Variants in DPYSL3 observed in about 807,000 individuals in gnomAD.
DPYSL3 encodes dihydropyrimidinase like 3.
DPYSL3 carries 16 observed loss-of-function variants against 66.1 expected under a neutral mutation model. The observed-to-expected ratio is 0.24, with a 90% CI of 0.16 to 0.37. DPYSL3 has a LOEUF of 0.37. Among genes scored for constraint, DPYSL3 ranks in the 10% least tolerant of loss-of-function variants. DPYSL3 has a pLI of 1.00. For missense variants in DPYSL3, 738 were observed against 916.2 expected, an observed-to-expected ratio of 0.81 and a Z score of 2.51; for synonymous variants, 338 against 345.1, an observed-to-expected ratio of 0.98 and a Z score of 0.23.
At chr5:147,489,476 C>A (rs918677194) in intron 1 of DPYSL3, among the ~76,000 whole-genome samples, 2 of 152,142 alleles carry the variant, frequency 1.3e-5, no homozygotes, top group Non-Finnish European at 2.9e-5. Context: ...GACTCGGTTT[C>A]TTTTCTGGAT....
At position 147,479,075 on chromosome 5, in the gene DPYSL3, GA is replaced by G. The variant is rs558216235; in HGVS notation, c.381+30402del. 3.9e-3 allele frequency among the ~76,000 whole-genome samples: 593 copies of G among 150,586 alleles called. 7 individuals are homozygous for G. The highest frequency in any genetic ancestry group is 0.014 in the African/African-American group (557 of 41,042). On this transcript the variant is annotated intron_variant, in intron 1 of 13. Transcript: ENST00000343218. ...TGAGTACATCATGAGTTAATTAAAG[GA>G]AAAAAAAAGTGTAGACAGGCAGTAA...
chr5:147,453,987 T>C (rs1385194984), intron 1 of DPYSL3: 3 of 192,082 alleles, frequency 1.6e-5, no homozygotes, highest in East Asian at 1.2e-4. Context: ...TTCTTTCTTT[T>C]TTTTTTTTTT....
intron 1 of DPYSL3, among the ~76,000 whole-genome samples, chr5:147,499,606 A>T (rs1294090272): frequency 1.3e-5 from 2 of 152,216 alleles, no homozygotes; most frequent in African/African-American, 4.8e-5. Flanking sequence ...AGGAAGACTC[A>T]ATACTGTCTA....
intron 1 of DPYSL3, among the ~76,000 whole-genome samples, chr5:147,435,069 A>G (rs1160516663): frequency 6.6e-6 from 1 of 152,102 alleles, no homozygotes; most frequent in Non-Finnish European, 1.5e-5. Context: ...TAAGCCTAAA[A>G]CTTCTCTAAA....
chr5:147,477,561 C>CTTTTTTTTTTTTT (rs56406515), intron 1 of DPYSL3, among the ~76,000 whole-genome samples: 1 of 64,760 alleles, frequency 1.5e-5, no homozygotes, highest in African/African-American at 6.1e-5. Flanking sequence ...ACACCTAAAT[C>CTTTTTTTTTTTTT]TTTTTTTTTT....
At chr5:147,407,128 A>C (rs116606178) in intron 7 of DPYSL3, among the ~76,000 whole-genome samples, 126 of 152,102 alleles carry the variant, frequency 8.3e-4, no homozygotes, top group African/African-American at 2.9e-3. Flanking sequence ...TCCTCCTATG[A>C]TCACTCCTCC....
At chr5:147,444,402 A>C (rs759521545) in intron 1 of DPYSL3, among the ~76,000 whole-genome samples, 2 of 152,232 alleles carry the variant, frequency 1.3e-5, no homozygotes, top group African/African-American at 2.4e-5. Flanking sequence ...AATGTGAATT[A>C]TTCTTATTAT....
intron 1 of DPYSL3, among the ~76,000 whole-genome samples, chr5:147,490,094 A>G (rs952874278): frequency 1.3e-5 from 2 of 152,090 alleles, no homozygotes; most frequent in Non-Finnish European, 2.9e-5. Context: ...TGGCCCAAGT[A>G]ATGTTACTTC....
At chr5:147,497,889 C>T (rs1753544808) in intron 1 of DPYSL3, among the ~76,000 whole-genome samples, 1 of 151,786 alleles carries the variant, frequency 6.6e-6, no homozygotes, top group South Asian at 2.1e-4. Context: ...TTGTATCCTT[C>T]CTTCCCTTCT....
intron 1 of DPYSL3, among the ~76,000 whole-genome samples, chr5:147,465,805 T>C (rs1180236547): frequency 1.3e-5 from 2 of 152,212 alleles, no homozygotes; most frequent in Non-Finnish European, 2.9e-5. Context: ...TAAGGTCATA[T>C]AAGGTCTGCT....
chr5:147,445,286 G>T (rs1018952221), intron 1 of DPYSL3, among the ~76,000 whole-genome samples: 5 of 152,200 alleles, frequency 3.3e-5, no homozygotes, highest in African/African-American at 1.2e-4. Flanking sequence ...CCCAGGTCAG[G>T]CCCTGCATTA....
intron 5 of DPYSL3, 149 bp from the exon 6 acceptor site, chr5:147,412,837 C>A: frequency 2.9e-6 from 2 of 685,516 alleles, no homozygotes; most frequent in East Asian, 2.7e-5. Context: ...TAGGCATGAC[C>A]AAAGAGGAGT....
chr5:147,398,684 C>A (rs72833326), intron 11 of DPYSL3, among the ~76,000 whole-genome samples: 1 of 152,230 alleles, frequency 6.6e-6, no homozygotes, highest in South Asian at 2.1e-4. Context: ...GATCATTGCA[C>A]GCCCTGACTT....
Position 147,394,123 on chromosome 5 carries a change from C to G in DPYSL3, c.1967G>C (p.Gly656Ala). 6.2e-7 allele frequency: 1 copy of G among 1,613,854 alleles called. No homozygotes were observed. The highest frequency in any genetic ancestry group is 8.5e-7 in the Non-Finnish European group (1 of 1,179,960). The part of the protein sequence containing the change: ...NLHQSGFSLS[G>A]TQVDEGVRSA... ...GCGAACCCCCTCATCCACTTGGGTG[C>G]CTACAGTTGGAAATAAATTCCCAGG... Residue 656 changes from glycine (G) to alanine (A), a missense_variant and splice_region_variant, in exon 14 of 14, where the codon GGC (glycine) becomes GCC (alanine). Physicochemically the swap from Gly to Ala is moderately conservative, Grantham distance 60 (BLOSUM62 0). Transcript: ENST00000343218.
chr5:147,491,815 G>T (rs956009619), intron 1 of DPYSL3, among the ~76,000 whole-genome samples: 5 of 151,108 alleles, frequency 3.3e-5, no homozygotes, highest in Non-Finnish European at 7.4e-5. Context: ...AACTACCAAA[G>T]GTGTAAAATG....
chr5:147,506,472 C>A (rs745346866), intron 1 of DPYSL3, among the ~76,000 whole-genome samples: 3 of 151,944 alleles, frequency 2.0e-5, no homozygotes, highest in Non-Finnish European at 2.9e-5. Flanking sequence ...TGGTCATATC[C>A]CATCTGAAGC....
intron 1 of DPYSL3, among the ~76,000 whole-genome samples, chr5:147,483,879 T>TC (rs1364822633): frequency 6.6e-6 from 1 of 151,828 alleles, no homozygotes; most frequent in Non-Finnish European, 1.5e-5. Context: ...GAATAATATC[T>TC]CCCCCCCAAG....
chr5:147,458,531 C>G (rs1256938926), intron 1 of DPYSL3, among the ~76,000 whole-genome samples: 3 of 152,210 alleles, frequency 2.0e-5, no homozygotes, highest in African/African-American at 7.2e-5. Context: ...TCTTAATACA[C>G]TTGCTTTCAT....
chr5:147,448,407 A>G lies in DPYSL3; in HGVS notation c.382-23444T>C, dbSNP rs144829134. ...AACACTGTAACGTAACTAAACAACA[A>G]CAAAAAAGTTTTTATATAACGCTGT... On this transcript the variant is annotated intron_variant, in intron 1 of 13. Coordinates refer to ENST00000343218, the MANE Select transcript of DPYSL3 (RefSeq NM_001197294.2). Among the ~76,000 whole-genome samples, 6 of 152,342 alleles carry G rather than the reference A, an allele frequency of 3.9e-5. No individual in the cohort carries two copies. In the East Asian group the frequency reaches 1.2e-3, roughly 29 times the overall value.
Sources: gnomAD v4.1 joint callset for allele counts (sites outside exome capture counted in the v4.1 genomes callset) on GRCh38, gnomAD v4.1.1 for gene constraint, MANE v1.5 for transcripts, NCBI Gene and HGNC (gene_info 2026-07-23, HGNC 2026-07-21) for gene names.